The following KLF6 variants were observed in gnomAD, a reference collection of about 807,000 sequenced individuals.
KLF6 encodes Krueppel-like factor 6.
For synonymous variants in KLF6, 152 were observed against 147.9 expected, an observed-to-expected ratio of 1.03 and a Z score of -0.20; for missense variants, 233 against 359.8, an observed-to-expected ratio of 0.65 and a Z score of 2.85.
chr10:3,781,262 T>G lies in KLF6; in HGVS notation c.676+379A>C. Reference sequence around the variant, plus strand: ...GCCCAGCAACCCTCTGTCCTGACCCTTGAGTTTCATTTAGGAAACCCCAGG... The same window carrying G: ...GCCCAGCAACCCTCTGTCCTGACCCGTGAGTTTCATTTAGGAAACCCCAGG... On this transcript the variant is annotated intron_variant, in intron 2 of 3. Coordinates refer to ENST00000497571, the MANE Select transcript of KLF6 (RefSeq NM_001300.6). The surrounding 1 kb of genome is among the most constrained non-coding windows in gnomAD (Gnocchi z 5.8). The G allele has an allele frequency of 1.6e-6, 1 of 644,714 alleles. No homozygotes were observed. The allele number at this position is 644,714 out of a possible 1,614,324, so 39.9% of individuals were successfully genotyped here.
intron 3 of KLF6, 47 bp from the exon 4 acceptor site, chr10:3,779,637 T>G: frequency 6.3e-7 from 1 of 1,580,876 alleles, no homozygotes; most frequent in Non-Finnish European, 8.7e-7. Flanking sequence ...TTCCCATCCC[T>G]TGCCAGTGTT....
At chr10:3,784,865 C>T in intron 1 of KLF6, 48 bp downstream of exon 1, 2 of 1,567,870 alleles carry the variant, frequency 1.3e-6, no homozygotes, top group Non-Finnish European at 1.7e-6. Context: ...ACAGCCGACC[C>T]GGCCCGCGCC....
Position 3,780,631 on chromosome 10 carries a change from A to G in KLF6, c.677-402T>C. On this transcript the variant is annotated intron_variant, in intron 2 of 3. Transcript: ENST00000497571. The surrounding 1 kb of genome is among the most constrained non-coding windows in gnomAD (Gnocchi z 4.6). ...ACTTCTGTTCCATCCTCACTTCCCT[A>G]TGGAATGTGCCTCTGCAGTTTCCTC... 6.0e-6 allele frequency: 2 copies of G among 332,766 alleles called. No homozygotes were observed. Among genetic ancestry groups the G allele is most frequent in the South Asian group, 5.0e-5 (2 of 40,192 alleles). 20.6% of individuals were successfully genotyped at this position (332,766 alleles called of 1,614,324 possible).
chr10:3,780,014 C>T lies in KLF6; in HGVS notation c.800+92G>A, dbSNP rs1481487732. On this transcript the variant is annotated intron_variant, in intron 3 of 3. Coordinates refer to ENST00000497571, the MANE Select transcript of KLF6 (RefSeq NM_001300.6). This position sits in a 1 kb window ranked among gnomAD's most constrained non-coding sequence, Gnocchi z 4.6. The stretch of plus-strand genomic sequence containing the variant: ...TCACACATAGGAAACTGCATGCCTT[C>T]CTTCGAATGTGCCCTGCACACCTAC... 2 of 1,503,886 alleles carry T rather than the reference C, an allele frequency of 1.3e-6. No individual in the cohort carries two copies. The highest frequency in any genetic ancestry group is 1.8e-6 in the Non-Finnish European group (2 of 1,085,350). 93.2% of individuals were successfully genotyped at this position (1,503,886 alleles called of 1,614,324 possible).
In KLF6 at chr10:3,785,031, C is replaced by A; in HGVS notation, c.-17G>T. ...CACGTCCATGTCGGGCCGGGTTGGA[C>A]GGAGCCCGCGGTCGCGAGGGCGGCG... On this transcript the variant is annotated 5_prime_UTR_variant, in exon 1 of 4. Coordinates refer to ENST00000497571, the MANE Select transcript of KLF6 (RefSeq NM_001300.6). 1.2e-6 allele frequency: 2 copies of A among 1,610,896 alleles called. No homozygotes were observed.
At position 3,785,114 on chromosome 10, in the gene KLF6, T is replaced by C; in HGVS notation, c.-100A>G. 6.4e-7 allele frequency: 1 copy of C among 1,571,772 alleles called. No homozygotes were observed. Among genetic ancestry groups the C allele is most frequent in the Non-Finnish European group, 8.6e-7 (1 of 1,160,106 alleles). On this transcript the variant is annotated 5_prime_UTR_variant, in exon 1 of 4. The change abolishes an upstream ATG in the 5' untranslated region. Coordinates refer to ENST00000497571, the MANE Select transcript of KLF6 (RefSeq NM_001300.6). ...CCCCGGAGCGCAGGTGAAAGTTTCA[T>C]GCAAACTCCAGGCTCGCAGAGACGC...
At position 3,784,875 on chromosome 10, in the gene KLF6, CCCGGCGCCCGCAGGGAACCGCGG is replaced by C; in HGVS notation, c.102+15_102+37del. 6.3e-7 allele frequency: 1 copy of C among 1,582,630 alleles called. No individual in the cohort carries two copies. The highest frequency in any genetic ancestry group is 1.1e-5 in the South Asian group (1 of 88,176). On this transcript the variant is annotated intron_variant, in intron 1 of 3. Coordinates refer to ENST00000497571, the MANE Select transcript of KLF6 (RefSeq NM_001300.6). ...CCCAAACAGCCGACCCGGCCCGCGC[CCCGGCGCCCGCAGGGAACCGCGG>C]CCGGCTGCGTTTACCTGTTGCCAGT...
Position 3,785,100 on chromosome 10 carries a change from A to C in KLF6, c.-86T>G, listed in dbSNP as rs1398917270. 1.3e-6 allele frequency: 2 copies of C among 1,589,306 alleles called. No individual in the cohort carries two copies. The highest frequency in any genetic ancestry group is 1.7e-6 in the Non-Finnish European group (2 of 1,168,886). On this transcript the variant is annotated 5_prime_UTR_variant, in exon 1 of 4. Coordinates refer to ENST00000497571, the MANE Select transcript of KLF6 (RefSeq NM_001300.6). ...GGAGCCGAAAGTCTCCCCGGAGCGC[A>C]GGTGAAAGTTTCATGCAAACTCCAG...
chr10:3,782,247 T>A lies in KLF6; in HGVS notation c.103-33A>T. 1.9e-6 allele frequency: 3 copies of A among 1,561,742 alleles called. No individual in the cohort carries two copies. The highest frequency in any genetic ancestry group is 2.6e-6 in the Non-Finnish European group (3 of 1,144,564). ...AAATGAACCAGAGAAGGCACGTGAT[T>A]GCCATGACGACCAAAAGTAAAAGCA... On this transcript the variant is annotated intron_variant, in intron 1 of 3. Coordinates refer to ENST00000497571, the MANE Select transcript of KLF6 (RefSeq NM_001300.6). The surrounding 1 kb of genome is among the most constrained non-coding windows in gnomAD (Gnocchi z 4.3).
intron 3 of KLF6, 40 bp from the exon 4 acceptor site, chr10:3,779,630 C>T (rs748478375): frequency 6.3e-7 from 1 of 1,592,542 alleles, no homozygotes; most frequent in South Asian, 1.1e-5. Flanking sequence ...AGTTAGGTTC[C>T]CATCCCTTGC....
rs1325278299 is a variant in KLF6 at position 3,777,211 on chromosome 10, CAT to C, written c.*2326_*2327del. On this transcript the variant is annotated 3_prime_UTR_variant, in exon 4 of 4. Coordinates refer to ENST00000497571, the MANE Select transcript of KLF6 (RefSeq NM_001300.6). ...CAAAATACCAGCCCAGCCAGACTCA[CAT>C]GTGTGTATATATATATAAAGCAAAG... 6 of 517,396 alleles carry C rather than the reference CAT, an allele frequency of 1.2e-5. No homozygotes were observed. The highest frequency in any genetic ancestry group is 3.8e-5 in the African/African-American group (2 of 52,982). The allele number at this position is 517,396 out of a possible 1,614,324, so 32.1% of individuals were successfully genotyped here. A position where few individuals can be genotyped will look rare whatever the true frequency, so the allele number is the denominator to read the frequency against.
Position 3,780,083 on chromosome 10 carries a change from C to T in KLF6, c.800+23G>A. The T allele has an allele frequency of 3.1e-6, 5 of 1,614,060 alleles. No individual in the cohort carries two copies. Among genetic ancestry groups the T allele is most frequent in the Non-Finnish European group, 4.2e-6 (5 of 1,180,014 alleles). ...TTCCCAAGGCCCCACGCTCCTTGCC[C>T]AGCATTGTCCTCAGGCACGTACCTG... On this transcript the variant is annotated intron_variant, in intron 3 of 3. Transcript: ENST00000497571. This position sits in a 1 kb window ranked among gnomAD's most constrained non-coding sequence, Gnocchi z 4.6.
chr10:3,783,332 C>CTGATTTTCACGA (rs1700369309), intron 1 of KLF6: 1 of 152,194 alleles, frequency 6.6e-6, no homozygotes, highest in Non-Finnish European at 1.5e-5. Context: ...TATGTCTGCC[C>CTGATTTTCACGA]TGATTTTCAC....
chr10:3,782,228 A>G lies in KLF6; in HGVS notation c.103-14T>C, dbSNP rs181748922. On this transcript the variant is annotated splice_polypyrimidine_tract_variant and intron_variant, in intron 1 of 3. Coordinates refer to ENST00000497571, the MANE Select transcript of KLF6 (RefSeq NM_001300.6). The surrounding 1 kb of genome is among the most constrained non-coding windows in gnomAD (Gnocchi z 4.3). ...CTCTAGGCAGGTCTGTGCAAAATGAACCAGAGAAGGCACGTGATTGCCATG... is the reference window on the plus strand; with the variant it reads ...CTCTAGGCAGGTCTGTGCAAAATGAGCCAGAGAAGGCACGTGATTGCCATG... 5.9e-5 allele frequency: 95 copies of G among 1,598,496 alleles called. No homozygotes were observed. In the African/African-American group the frequency reaches 1.2e-3, roughly 20 times the overall value.
In KLF6 at chr10:3,776,349, A is replaced by G. The variant is rs544897511; in HGVS notation, c.*3190T>C. On this transcript the variant is annotated 3_prime_UTR_variant, in exon 4 of 4. Transcript: ENST00000497571. Reference sequence around the variant, plus strand: ...GTCCTTGGAGAAGAGTATTTGATGCATTCAGGGAGGGCAATGTCAGGCTCG... The same window carrying G: ...GTCCTTGGAGAAGAGTATTTGATGCGTTCAGGGAGGGCAATGTCAGGCTCG... The G allele has an allele frequency of 1.9e-6, 1 of 532,534 alleles. No individual in the cohort carries two copies. The highest frequency in any genetic ancestry group is 1.5e-5 in the South Asian group (1 of 65,146). 33.0% of individuals were successfully genotyped at this position (532,534 alleles called of 1,614,324 possible). A position where few individuals can be genotyped will look rare whatever the true frequency, so the allele number is the denominator to read the frequency against.
Position 3,781,457 on chromosome 10 carries a change from C to T in KLF6, c.676+184G>A, listed in dbSNP as rs1466533552. The T allele has an allele frequency of 6.5e-7, 1 of 1,536,444 alleles. No homozygotes were observed. ...TACACATTTATCCAACTCAAAAGTCCAGTCTTTAGGATTCTACTCTGAACT... is the reference window on the plus strand; with the variant it reads ...TACACATTTATCCAACTCAAAAGTCTAGTCTTTAGGATTCTACTCTGAACT... On this transcript the variant is annotated intron_variant, in intron 2 of 3. Coordinates refer to ENST00000497571, the MANE Select transcript of KLF6 (RefSeq NM_001300.6). The surrounding 1 kb of genome is among the most constrained non-coding windows in gnomAD (Gnocchi z 5.8).
In KLF6 at chr10:3,777,315, C is replaced by G. The variant is rs538916622; in HGVS notation, c.*2224G>C. On this transcript the variant is annotated 3_prime_UTR_variant, in exon 4 of 4. Coordinates refer to ENST00000497571, the MANE Select transcript of KLF6 (RefSeq NM_001300.6). ...GGTATGCCAATTCGGGGAAATTACT[C>G]CTTGGAAAAACTGGAAGAATCTACT... is the stretch of plus-strand genomic sequence containing the variant. 5.9e-4 allele frequency: 305 copies of G among 513,978 alleles called. No homozygotes were observed. The highest frequency in any genetic ancestry group is 8.3e-4 in the Non-Finnish European group (219 of 263,198). The allele number at this position is 513,978 out of a possible 1,614,324, so 31.8% of individuals were successfully genotyped here.
At chr10:3,784,586 C>CA (rs1467705950) in intron 1 of KLF6, among the ~76,000 whole-genome samples, 1 of 150,368 alleles carries the variant, frequency 6.7e-6, no homozygotes. Flanking sequence ...AAAAAAACAA[C>CA]AAAAAACAAA....
chr10:3,784,457 A>G (rs1832602075), intron 1 of KLF6, among the ~76,000 whole-genome samples: 1 of 152,220 alleles, frequency 6.6e-6, no homozygotes, highest in Admixed American at 6.5e-5. Context: ...AATGGTCTAC[A>G]GTTTAAAAAA....
Sources: gnomAD v4.1 joint callset for allele counts (sites outside exome capture counted in the v4.1 genomes callset) on GRCh38, gnomAD v4.1.1 for gene constraint, Gnocchi (gnomAD v3.1) non-coding constraint, MANE v1.5 for transcripts, NCBI Gene and HGNC (gene_info 2026-07-23, HGNC 2026-07-21) for gene names.